PTPRG: variants seen among roughly 807,000 people sequenced by gnomAD.
PTPRG encodes the protein receptor-type tyrosine-protein phosphatase gamma.
A neutral mutation model predicts 165.3 loss-of-function variants in PTPRG; 102 were observed. The ratio of observed to expected loss-of-function variants is 0.62; its 90% CI spans 0.53 to 0.73. The LOEUF (loss-of-function observed/expected upper bound fraction) is 0.73. Ranked by LOEUF, PTPRG falls within the 30% of genes least tolerant of loss-of-function variation. PTPRG has a pLI of 0.00. For synonymous variants in PTPRG, 675 were observed against 669.5 expected (o/e 1.01, Z -0.13); for missense variants, 1,866 against 1,861.4 (o/e 1.00, Z -0.05).
At chr3:62,022,724 C>T (rs983947637) in intron 4 of PTPRG, among the ~76,000 whole-genome samples, 15 of 152,092 alleles carry the variant, frequency 9.9e-5, no homozygotes, top group Non-Finnish European at 1.9e-4. Flanking sequence ...AATTATATAC[C>T]TTTTGGGTCT....
rs866394889 is a variant in PTPRG, at chr3:62,129,422, T to C, written c.616-3180T>C. ...GAATGCCACACTGGGTAATTTATAATGAACAGAAATGTATTTGGTTAACGG... is the reference window on the plus strand; with the variant it reads ...GAATGCCACACTGGGTAATTTATAACGAACAGAAATGTATTTGGTTAACGG... On this transcript the variant is annotated intron_variant, in intron 5 of 29. Transcript: ENST00000474889. 5.9e-5 allele frequency among the ~76,000 whole-genome samples: 9 copies of C among 152,054 alleles called. 1 individual carries two copies. The Middle Eastern group carries it at 0.024, about 402-fold the overall frequency.
chr3:61,962,107 T>C (rs937347293), intron 2 of PTPRG, among the ~76,000 whole-genome samples: 3 of 152,178 alleles, frequency 2.0e-5, no homozygotes, highest in Non-Finnish European at 4.4e-5. Context: ...TCAATATATC[T>C]GACACCTTAA....
intron 1 of PTPRG, among the ~76,000 whole-genome samples, chr3:61,718,441 C>T (rs2031909484): frequency 6.6e-6 from 1 of 151,980 alleles, no homozygotes; most frequent in Admixed American, 6.6e-5. Flanking sequence ...TTAACACATA[C>T]TTGGCTTCAG....
intron 6 of PTPRG, among the ~76,000 whole-genome samples, chr3:62,146,502 G>T (rs1039692622): frequency 6.6e-6 from 1 of 152,144 alleles, no homozygotes; most frequent in Admixed American, 6.5e-5. Flanking sequence ...CTGTAAGGAA[G>T]GCCATGAGGC....
chr3:61,901,041 G>A (rs928316114), intron 2 of PTPRG, among the ~76,000 whole-genome samples: 2 of 152,214 alleles, frequency 1.3e-5, no homozygotes, highest in African/African-American at 4.8e-5. Flanking sequence ...CAACATAGCT[G>A]AGCGCTCTTA....
intron 5 of PTPRG, chr3:62,124,451 A>C (rs1703208341): frequency 6.2e-7 from 1 of 1,613,678 alleles, no homozygotes; most frequent in Non-Finnish European, 8.5e-7. Flanking sequence ...GTTCTGGGGG[A>C]TGCTGGGCAC....
At chr3:62,017,251 T>C (rs2041568018) in intron 4 of PTPRG, among the ~76,000 whole-genome samples, 2 of 152,178 alleles carry the variant, frequency 1.3e-5, no homozygotes, top group South Asian at 4.1e-4. Context: ...ATGAAAACTT[T>C]TAATTCTTCA....
At chr3:61,669,351 T>C (rs958775554) in intron 1 of PTPRG, among the ~76,000 whole-genome samples, 3 of 151,654 alleles carry the variant, frequency 2.0e-5, no homozygotes, top group Non-Finnish European at 4.4e-5. Context: ...AATACTGTAA[T>C]GTGCTTGGAT....
Position 62,157,099 on chromosome 3 carries a change from C to T in PTPRG, c.715C>T (p.Arg239Trp), listed in dbSNP as rs767293119. The T allele has an allele frequency of 1.9e-5, 31 of 1,610,226 alleles. No individual in the cohort carries two copies. The highest frequency in any genetic ancestry group is 2.2e-5 in the East Asian group (1 of 44,854). ...KETFLDPFVL[R>W]DLLPASLGSY... is the part of the protein sequence containing the mutation. ...GACCTTTCTGGATCCTTTCGTCCTC[C>T]GGGACCTCCTGCCTGCATCCCTGGG... is the stretch of plus-strand genomic sequence containing the variant. The change falls in exon 7 of 30, where the codon CGG becomes TGG. Residue 239 changes from arginine (R) to tryptophan (W), a missense_variant. By Grantham distance (101) the Arg-to-Trp change is moderately radical. Transcript: ENST00000474889.
intron 2 of PTPRG, among the ~76,000 whole-genome samples, chr3:61,854,269 G>A (rs1219460155): frequency 6.6e-6 from 1 of 152,158 alleles, no homozygotes; most frequent in Non-Finnish European, 1.5e-5. Flanking sequence ...AGGTGGGATG[G>A]TTTCACTTTA....
chr3:62,008,608 GTTA>G (rs2041348483), intron 4 of PTPRG, among the ~76,000 whole-genome samples: 2 of 152,314 alleles, frequency 1.3e-5, no homozygotes, highest in South Asian at 4.1e-4. Flanking sequence ...TTCTTAGAAA[GTTA>G]TTATAGCCCA....
At chr3:62,269,834 GTA>G (rs1176459448) in intron 20 of PTPRG, among the ~76,000 whole-genome samples, 4 of 152,018 alleles carry the variant, frequency 2.6e-5, no homozygotes, top group African/African-American at 9.7e-5. Context: ...ATTGTGGAAG[GTA>G]TGTTTCAAGA....
In PTPRG at chr3:61,769,267, G is replaced by GT. The variant is rs562064615; in HGVS notation, c.190+20293dup. The GT allele has an allele frequency of 2.8e-3, 422 of 151,818 alleles. 2 individuals carry two copies. The highest frequency in any genetic ancestry group is 8.7e-3 in the African/African-American group (361 of 41,382). 9.4% of individuals were successfully genotyped at this position (151,818 alleles called of 1,614,324 possible). On this transcript the variant is annotated intron_variant, in intron 2 of 29. Transcript: ENST00000474889. ...ATAGAATTGTCACCCACAAATGTTT[G>GT]TTTTTTTTGTTTTTGTTTCCATATA...
At chr3:62,026,525 G>T (rs7652605) in intron 4 of PTPRG, among the ~76,000 whole-genome samples, 84,198 of 151,806 alleles carry the variant, frequency 0.55, 24,127 homozygotes, top group African/African-American at 0.7. Flanking sequence ...GCTGGGCCCT[G>T]TACTGCTGCC....
At chr3:61,694,465 G>C (rs1322079446) in intron 1 of PTPRG, among the ~76,000 whole-genome samples, 3 of 152,160 alleles carry the variant, frequency 2.0e-5, no homozygotes, top group African/African-American at 4.8e-5. Context: ...CTGCAACTGT[G>C]TCAGTACGAA....
At chr3:61,943,292 A>G (rs1354380099) in intron 2 of PTPRG, among the ~76,000 whole-genome samples, 1 of 152,210 alleles carries the variant, frequency 6.6e-6, no homozygotes, top group Non-Finnish European at 1.5e-5. Flanking sequence ...AATGCTGACA[A>G]AAATACATGT....
intron 2 of PTPRG, among the ~76,000 whole-genome samples, chr3:61,788,117 C>T (rs2034764671): frequency 6.6e-6 from 1 of 152,202 alleles, no homozygotes; most frequent in East Asian, 1.9e-4. Flanking sequence ...TTCCTTTTCC[C>T]AGTTTAAAAG....
intron 5 of PTPRG, among the ~76,000 whole-genome samples, chr3:62,081,012 C>A (rs550785380): frequency 4.0e-5 from 6 of 151,820 alleles, no homozygotes; most frequent in Non-Finnish European, 7.4e-5. Context: ...AATCCCAGCA[C>A]TTTGGAAGGC....
intron 2 of PTPRG, among the ~76,000 whole-genome samples, chr3:61,948,140 C>T (rs753004092): frequency 6.6e-6 from 1 of 152,120 alleles, no homozygotes; most frequent in Non-Finnish European, 1.5e-5. Flanking sequence ...GCCTAACCAA[C>T]TTAGAGAAAC....
Sources: allele counts gnomAD v4.1 joint callset (sites outside exome capture counted in the v4.1 genomes callset), GRCh38; gene constraint gnomAD v4.1.1; transcripts MANE v1.5; gene names NCBI Gene and HGNC (gene_info 2026-07-23, HGNC 2026-07-21).